Variants in MGAT5 observed in about 807,000 individuals in gnomAD.
MGAT5 encodes the protein alpha-1,6-mannosylglycoprotein 6-beta-N-acetylglucosaminyltransferase.
MGAT5 carries 30 observed loss-of-function variants against 94.3 expected under a neutral mutation model. That is an observed-to-expected ratio of 0.32 (90% CI 0.24 to 0.43). The LOEUF (loss-of-function observed/expected upper bound fraction) is 0.43. Among genes scored for constraint, MGAT5 ranks in the 20% least tolerant of loss-of-function variants. MGAT5 has a pLI of 1.00. For synonymous variants in MGAT5, 310 were observed against 322.9 expected, an observed-to-expected ratio of 0.96 and a Z score of 0.43; for missense variants, 691 against 905.5, an observed-to-expected ratio of 0.76 and a Z score of 3.04.
chr2:134,181,705 C>A (rs1026260223), intron 1 of MGAT5, among the ~76,000 whole-genome samples: 5 of 152,030 alleles, frequency 3.3e-5, no homozygotes, highest in African/African-American at 1.2e-4. Context: ...ATATATACAC[C>A]TCAGATTAGT....
chr2:134,299,621 C>T lies in MGAT5; in HGVS notation c.407-17908C>T, dbSNP rs1685897786. ...TTGGTAAAGGTAGTTAAAATCCCCT[C>T]TTCTGATTTCATAGTGGTAGAGCCC... On this transcript the variant is annotated intron_variant, in intron 2 of 15. Transcript: ENST00000281923. Among the ~76,000 whole-genome samples, 2 of 152,150 alleles carry T rather than the reference C, an allele frequency of 1.3e-5. 1 individual carries two copies. Among genetic ancestry groups the T allele is most frequent in the South Asian group, 4.1e-4 (2 of 4,828 alleles).
intron 1 of MGAT5, among the ~76,000 whole-genome samples, chr2:134,216,746 C>T (rs1404142374): frequency 1.3e-5 from 2 of 152,174 alleles, no homozygotes; most frequent in African/African-American, 2.4e-5. Flanking sequence ...GCCATTTCTG[C>T]TCTACCTCTA....
At chr2:134,172,468 G>C (rs541539985) in intron 1 of MGAT5, among the ~76,000 whole-genome samples, 3 of 151,922 alleles carry the variant, frequency 2.0e-5, no homozygotes, top group African/African-American at 7.2e-5. Flanking sequence ...CTCACTGCAA[G>C]CTCCGCCTCC....
intron 1 of MGAT5, among the ~76,000 whole-genome samples, chr2:134,196,887 T>G (rs561048587): frequency 5.3e-5 from 8 of 152,242 alleles, no homozygotes; most frequent in Admixed American, 1.3e-4. Flanking sequence ...ATCTCATATT[T>G]TAATAGGCTA....
intron 1 of MGAT5, among the ~76,000 whole-genome samples, chr2:134,239,123 C>T (rs936337348): frequency 2.7e-4 from 41 of 152,190 alleles, no homozygotes; most frequent in African/African-American, 9.1e-4. Context: ...CTCAGCCTCC[C>T]GAGTAGCTGG....
intron 1 of MGAT5, among the ~76,000 whole-genome samples, chr2:134,258,160 G>T (rs1043418715): frequency 3.3e-5 from 2 of 61,324 alleles, no homozygotes; most frequent in African/African-American, 1.3e-4. Context: ...CCAAATTCAG[G>T]ACCTTTGATT....
chr2:134,270,252 A>G (rs1395476114), intron 1 of MGAT5, 134 bp from the exon 2 acceptor site: 1 of 824,466 alleles, frequency 1.2e-6, no homozygotes, highest in Non-Finnish European at 1.9e-6. Flanking sequence ...CATCTTTCAG[A>G]TGTGGTTTGA....
chr2:134,332,084 T>G (rs1046146294), intron 4 of MGAT5, among the ~76,000 whole-genome samples: 30 of 151,872 alleles, frequency 2.0e-4, no homozygotes, highest in South Asian at 4.2e-4. Context: ...TTGGAAAAAA[T>G]TACTTTAAAG....
At chr2:134,323,905 G>A (rs896391182) in intron 4 of MGAT5, among the ~76,000 whole-genome samples, 23 of 151,916 alleles carry the variant, frequency 1.5e-4, no homozygotes, top group African/African-American at 5.3e-4. Flanking sequence ...ATCTGTTTTC[G>A]TGAGCCATGT....
At chr2:134,217,271 A>T (rs866714941) in intron 1 of MGAT5, among the ~76,000 whole-genome samples, 1 of 60,268 alleles carries the variant, frequency 1.7e-5, no homozygotes, top group Non-Finnish European at 3.2e-5. Flanking sequence ...GTGTGTGTGT[A>T]AAATATACCA....
At chr2:134,251,220 C>G (rs1385653411), upstream of MGAT5, among the ~76,000 whole-genome samples, 1 of 151,668 alleles carries the variant, frequency 6.6e-6, no homozygotes, top group Non-Finnish European at 1.5e-5. Context: ...AAGCCAATTC[C>G]CTTGGAGCTA....
intron 2 of MGAT5, among the ~76,000 whole-genome samples, chr2:134,283,736 G>GTGAAGT (rs1366177973): frequency 1.3e-4 from 18 of 140,252 alleles, no homozygotes; most frequent in African/African-American, 4.9e-4. Context: ...GAATCCCACC[G>GTGAAGT]TGAAGTTGTC....
At chr2:134,154,858 G>A (rs1046193016) in intron 1 of MGAT5, among the ~76,000 whole-genome samples, 3 of 152,198 alleles carry the variant, frequency 2.0e-5, no homozygotes, top group African/African-American at 7.2e-5. Flanking sequence ...TTGTATCTGA[G>A]TTTGAATCTG....
chr2:134,380,451 A>G (rs1044217622), intron 10 of MGAT5, among the ~76,000 whole-genome samples: 1 of 152,150 alleles, frequency 6.6e-6, no homozygotes, highest in African/African-American at 2.4e-5. Context: ...GCCTGTTGTG[A>G]TGCAAGTGGA....
chr2:134,258,295 A>G (rs530283223), intron 1 of MGAT5, among the ~76,000 whole-genome samples: 97 of 152,384 alleles, frequency 6.4e-4, no homozygotes, highest in African/African-American at 2.3e-3. Context: ...TCCATCAATC[A>G]GCAGTCACCA....
At chr2:134,280,287 TA>T (rs1271580442) in intron 2 of MGAT5, among the ~76,000 whole-genome samples, 1 of 152,110 alleles carries the variant, frequency 6.6e-6, no homozygotes, top group Admixed American at 6.5e-5. Flanking sequence ...ACAGCAGAAA[TA>T]ATCTTCATCT....
Position 134,381,921 on chromosome 2 carries a change from G to A in MGAT5, c.1380+19513G>A, listed in dbSNP as rs937130693. On this transcript the variant is annotated intron_variant, in intron 10 of 15. Coordinates refer to ENST00000281923, the MANE Select transcript of MGAT5 (RefSeq NM_002410.5). ...TTTATGGTAAAAATACATTTGAAAT[G>A]TATATTCTTAATAAAAACAAAAATT... Among the ~76,000 whole-genome samples, 10 of 152,138 alleles carry A rather than the reference G, an allele frequency of 6.6e-5. No individual in the cohort carries two copies. In the East Asian group the frequency reaches 1.7e-3, roughly 26 times the overall value.
chr2:134,151,665 T>C (rs1250922942), intron 1 of MGAT5, among the ~76,000 whole-genome samples: 85 of 28,868 alleles, frequency 2.9e-3, no homozygotes, highest in East Asian at 7.2e-3. Flanking sequence ...ACCTCACTCA[T>C]GCCCTGTGGG....
At chr2:134,381,330 C>CTAAA (rs1681529677) in intron 10 of MGAT5, among the ~76,000 whole-genome samples, 9 of 67,868 alleles carry the variant, frequency 1.3e-4, no homozygotes, top group Admixed American at 1.6e-4. Flanking sequence ...AGACCTGTCT[C>CTAAA]ATAGATAGAT....
Sources: allele counts gnomAD v4.1 joint callset (sites outside exome capture counted in the v4.1 genomes callset), GRCh38; gene constraint gnomAD v4.1.1; transcripts MANE v1.5; gene names NCBI Gene and HGNC (gene_info 2026-07-23, HGNC 2026-07-21).